Variants in GLG1 observed in about 807,000 individuals in gnomAD.
The protein encoded by GLG1 is golgi glycoprotein 1.
Under a neutral mutation model 160.5 loss-of-function variants are expected in GLG1, and 38 were observed. That is an observed-to-expected ratio of 0.24 (90% CI 0.18 to 0.31). The LOEUF (loss-of-function observed/expected upper bound fraction) is 0.31. GLG1 is among the 10% of genes least tolerant of loss of function. The probability of loss-of-function intolerance (pLI) is 1.00; values close to 1 mark genes in which losing one functional copy is unlikely to be tolerated. For synonymous variants in GLG1, 644 were observed against 543.4 expected (o/e 1.19, Z -2.57); for missense variants, 1,373 against 1,505.2 (o/e 0.91, Z 1.45).
At chr16:74,491,787 T>C (rs1191743289) in intron 7 of GLG1, among the ~76,000 whole-genome samples, 5 of 151,712 alleles carry the variant, frequency 3.3e-5, no homozygotes, top group African/African-American at 1.2e-4. Context: ...TACAGGCGCC[T>C]GCCACCACGC....
At chr16:74,585,533 C>T (rs1208500378) in intron 1 of GLG1, among the ~76,000 whole-genome samples, 4 of 150,822 alleles carry the variant, frequency 2.7e-5, no homozygotes, top group Non-Finnish European at 5.9e-5. Flanking sequence ...GGTGAAACCT[C>T]GTCTGTACTA....
At chr16:74,590,947 T>TAAA (rs369425701) in intron 1 of GLG1, among the ~76,000 whole-genome samples, 2 of 145,228 alleles carry the variant, frequency 1.4e-5, no homozygotes, top group African/African-American at 5.0e-5. Flanking sequence ...CCTTTCTTGT[T>TAAA]AAAAAAAAAA....
At chr16:74,591,696 T>C (rs1444611860) in intron 1 of GLG1, among the ~76,000 whole-genome samples, 1 of 152,164 alleles carries the variant, frequency 6.6e-6, no homozygotes, top group Non-Finnish European at 1.5e-5. Flanking sequence ...AAGTTTAGTA[T>C]TTATATCTTA....
intron 9 of GLG1, among the ~76,000 whole-genome samples, chr16:74,483,474 T>C (rs2015679073): frequency 6.6e-6 from 1 of 152,214 alleles, no homozygotes; most frequent in South Asian, 2.1e-4. Context: ...GTTTTAACTC[T>C]AGGCCTCTTT....
At position 74,450,175 on chromosome 16, in the gene GLG1, T is replaced by A; in HGVS notation, c.*2992A>T. The A allele has an allele frequency of 6.6e-6, 1 of 152,308 alleles. No homozygotes were observed. Among genetic ancestry groups the A allele is most frequent in the East Asian group, 1.9e-4 (1 of 5,196 alleles). The allele number at this position is 152,308 out of a possible 1,614,324, so 9.4% of individuals were successfully genotyped here. On this transcript the variant is annotated 3_prime_UTR_variant, in exon 26 of 26. Transcript: ENST00000422840. ...AAGCCTTAGCCTTGGCAAAACCCCC[T>A]ACCCTCTACTTCTATTACTGTTGGT... is the stretch of plus-strand genomic sequence containing the variant.
At chr16:74,509,839 ACT>A (rs1197342984) in intron 2 of GLG1, among the ~76,000 whole-genome samples, 3 of 144,806 alleles carry the variant, frequency 2.1e-5, no homozygotes, top group Non-Finnish European at 3.0e-5. Context: ...ACAGAGCAAG[ACT>A]CTGTCTCAAA....
intron 23 of GLG1, 77 bp downstream of exon 23, chr16:74,459,605 C>T (rs963805998): frequency 4.0e-6 from 3 of 747,812 alleles, no homozygotes; most frequent in Non-Finnish European, 6.8e-6. Context: ...CCAAGGTAGG[C>T]AGACTACAGC....
chr16:74,569,718 C>T (rs1011723499), intron 1 of GLG1, among the ~76,000 whole-genome samples: 4 of 151,934 alleles, frequency 2.6e-5, no homozygotes, highest in Admixed American at 6.6e-5. Context: ...AAAAAATTAG[C>T]TGGGCATGGT....
At chr16:74,581,684 G>A (rs1481351010) in intron 1 of GLG1, among the ~76,000 whole-genome samples, 1 of 152,006 alleles carries the variant, frequency 6.6e-6, no homozygotes, top group Admixed American at 6.6e-5. Context: ...GTTGAGGCAG[G>A]CAGATCACCT....
chr16:74,532,366 A>C, intron 1 of GLG1, among the ~76,000 whole-genome samples: 1 of 152,072 alleles, frequency 6.6e-6, no homozygotes, highest in Non-Finnish European at 1.5e-5. Context: ...GGTACATGAG[A>C]CTTAACCCCT....
intron 22 of GLG1, among the ~76,000 whole-genome samples, chr16:74,460,594 T>C (rs571400988): frequency 2.0e-5 from 3 of 152,338 alleles, no homozygotes; most frequent in South Asian, 2.1e-4. Flanking sequence ...CCAGAACCCT[T>C]GGTCTCTAAA....
chr16:74,465,105 C>G (rs2014951898), intron 19 of GLG1, among the ~76,000 whole-genome samples: 1 of 152,198 alleles, frequency 6.6e-6, no homozygotes, highest in South Asian at 2.1e-4. Flanking sequence ...TCTGAAAGTG[C>G]TGGGATTACA....
chr16:74,511,542 C>T (rs2016803037), intron 2 of GLG1, among the ~76,000 whole-genome samples: 1 of 139,632 alleles, frequency 7.2e-6, no homozygotes, highest in East Asian at 2.1e-4. Context: ...ATCCCAGCTA[C>T]TCTGGAGGCT....
rs72792709 is a variant in GLG1, at chr16:74,594,447, C to T, written c.438+12210G>A. 5.0e-3 allele frequency among the ~76,000 whole-genome samples: 754 copies of T among 152,262 alleles called. 1 individual carries two copies. Among genetic ancestry groups the T allele is most frequent in the Non-Finnish European group, 8.3e-3 (567 of 68,024 alleles). On this transcript the variant is annotated intron_variant, in intron 1 of 25. Transcript: ENST00000422840. Reference sequence around the variant, plus strand: ...ATTAAAGCTGAATGACTACAGATGCCTGGTTCTCTTAAGTCATTGTTTTTA... The same window carrying T: ...ATTAAAGCTGAATGACTACAGATGCTTGGTTCTCTTAAGTCATTGTTTTTA...
intron 1 of GLG1, among the ~76,000 whole-genome samples, chr16:74,544,409 G>T (rs1486032531): frequency 2.6e-5 from 4 of 152,166 alleles, no homozygotes; most frequent in African/African-American, 9.7e-5. Context: ...CACCTCCTAG[G>T]TTCACGCGAA....
In GLG1 at chr16:74,452,360, A is replaced by G; in HGVS notation, c.*807T>C. 1 of 1,362,048 alleles carries G rather than the reference A, an allele frequency of 7.3e-7. No homozygotes were observed. The highest frequency in any genetic ancestry group is 1.6e-5 in the South Asian group (1 of 63,906). 84.4% of individuals were successfully genotyped at this position (1,362,048 alleles called of 1,614,324 possible). On this transcript the variant is annotated 3_prime_UTR_variant, in exon 26 of 26. Coordinates refer to ENST00000422840, the MANE Select transcript of GLG1 (RefSeq NM_001145667.2). Reference sequence around the variant, plus strand: ...CCTGCTGCCCCGGGACTCAGGATCCAGCCTCTCAGTGCAGATGGATGGACT... The same window carrying G: ...CCTGCTGCCCCGGGACTCAGGATCCGGCCTCTCAGTGCAGATGGATGGACT...
chr16:74,554,294 G>A lies in GLG1; in HGVS notation c.439-22141C>T, dbSNP rs539079875. Among the ~76,000 whole-genome samples, 412 of 152,304 alleles carry A rather than the reference G, an allele frequency of 2.7e-3. 1 individual carries two copies. The highest frequency in any genetic ancestry group is 6.0e-3 in the South Asian group (29 of 4,828). ...CACGCCTGTAATCTCAGAACTTTGC[G>A]GGGCCGAGGCGGACGGATCACTTGA... On this transcript the variant is annotated intron_variant, in intron 1 of 25. Transcript: ENST00000422840.
At chr16:74,473,881 A>C (rs967128202) in intron 13 of GLG1, among the ~76,000 whole-genome samples, 1 of 152,190 alleles carries the variant, frequency 6.6e-6, no homozygotes, top group Non-Finnish European at 1.5e-5. Flanking sequence ...CCTAACTAAA[A>C]GAGCGAGGGA....
At chr16:74,511,374 G>A (rs1313688365) in intron 2 of GLG1, among the ~76,000 whole-genome samples, 1 of 151,910 alleles carries the variant, frequency 6.6e-6, no homozygotes, top group East Asian at 1.9e-4. Flanking sequence ...TTTTTAGGCT[G>A]GGCATGGTGG....
Sources: allele counts gnomAD v4.1 joint callset (sites outside exome capture counted in the v4.1 genomes callset), GRCh38; gene constraint gnomAD v4.1.1; transcripts MANE v1.5; gene names NCBI Gene and HGNC (gene_info 2026-07-23, HGNC 2026-07-21).